Variants in CSMD1 observed in about 807,000 individuals in gnomAD.
CSMD1 encodes CUB and Sushi multiple domains 1.
In CSMD1, 213 loss-of-function variants were observed where a neutral mutation model predicts 417.5. The ratio of observed to expected loss-of-function variants is 0.51; its 90% CI spans 0.46 to 0.57. The LOEUF is 0.57. CSMD1 is among the 20% of genes least tolerant of loss of function. CSMD1 has a pLI of 0.00. For synonymous variants in CSMD1, 2,862 were observed against 1,736.8 expected, an observed-to-expected ratio of 1.65 and a Z score of -16.11; for missense variants, 6,923 against 4,529.7, an observed-to-expected ratio of 1.53 and a Z score of -15.17.
intron 3 of CSMD1, among the ~76,000 whole-genome samples, chr8:4,260,263 G>C (rs942758353): frequency 9.9e-5 from 15 of 152,168 alleles, no homozygotes; most frequent in Non-Finnish European, 1.8e-4. Flanking sequence ...CTTATTACTA[G>C]TGAAATTAAT....
intron 2 of CSMD1, among the ~76,000 whole-genome samples, chr8:4,604,336 A>G (rs1345925000): frequency 6.6e-6 from 1 of 150,810 alleles, no homozygotes; most frequent in African/African-American, 2.4e-5. Flanking sequence ...TATATACAAT[A>G]TATATATAAT....
chr8:3,154,062 G>C (rs1819365774), intron 39 of CSMD1, among the ~76,000 whole-genome samples: 1 of 152,166 alleles, frequency 6.6e-6, no homozygotes, highest in Non-Finnish European at 1.5e-5. Context: ...CGCCTCCCTG[G>C]TTCAAGTGAT....
At chr8:3,078,779 T>C (rs185260653) in intron 49 of CSMD1, among the ~76,000 whole-genome samples, 2 of 152,286 alleles carry the variant, frequency 1.3e-5, no homozygotes, top group East Asian at 1.9e-4. Context: ...CCAGCTTAGT[T>C]ACCTAAACAC....
At chr8:3,305,910 C>T (rs1303754951) in intron 25 of CSMD1, among the ~76,000 whole-genome samples, 1 of 152,080 alleles carries the variant, frequency 6.6e-6, no homozygotes, top group Non-Finnish European at 1.5e-5. Flanking sequence ...TTGATCTCCT[C>T]ACCTGGTGAT....
intron 4 of CSMD1, among the ~76,000 whole-genome samples, chr8:4,027,528 T>C (rs1002449717): frequency 1.6e-4 from 24 of 152,154 alleles, no homozygotes; most frequent in African/African-American, 5.5e-4. Flanking sequence ...TCTGTACTTC[T>C]CGCTCCTGCT....
At chr8:4,546,533 C>G (rs888261936) in intron 2 of CSMD1, among the ~76,000 whole-genome samples, 5 of 152,136 alleles carry the variant, frequency 3.3e-5, no homozygotes, top group African/African-American at 4.8e-5. Flanking sequence ...GAGCTGGGAC[C>G]TCCATCTTCT....
At chr8:4,774,110 G>T (rs376828849) in intron 1 of CSMD1, among the ~76,000 whole-genome samples, 1 of 152,092 alleles carries the variant, frequency 6.6e-6, no homozygotes, top group Admixed American at 6.5e-5. Flanking sequence ...GGCAGGAGAG[G>T]GTTCACTTGA....
At chr8:3,965,669 G>C (rs574875976) in intron 5 of CSMD1, among the ~76,000 whole-genome samples, 2 of 151,932 alleles carry the variant, frequency 1.3e-5, no homozygotes, top group African/African-American at 2.4e-5. Flanking sequence ...CCAGGCTGGA[G>C]TGCAATGGTG....
chr8:3,774,686 T>C (rs1267888408), intron 5 of CSMD1, among the ~76,000 whole-genome samples: 2 of 152,284 alleles, frequency 1.3e-5, no homozygotes, highest in Non-Finnish European at 2.9e-5. Flanking sequence ...GTTTGACTAA[T>C]GCTAAGTGCA....
intron 6 of CSMD1, among the ~76,000 whole-genome samples, chr8:3,753,444 G>A (rs1170275239): frequency 6.6e-6 from 1 of 152,164 alleles, no homozygotes; most frequent in Non-Finnish European, 1.5e-5. Context: ...TTGCTCAGCT[G>A]CAGGAAATCC....
At chr8:3,462,612 TC>T (rs1211385757) in intron 12 of CSMD1, among the ~76,000 whole-genome samples, 3 of 152,098 alleles carry the variant, frequency 2.0e-5, no homozygotes. Flanking sequence ...AGCTCAGGGC[TC>T]CCAATGATTC....
chr8:4,063,837 C>G (rs572426479), intron 3 of CSMD1, among the ~76,000 whole-genome samples: 1 of 152,326 alleles, frequency 6.6e-6, no homozygotes, highest in East Asian at 1.9e-4. Flanking sequence ...TAAGAAGGAA[C>G]CAGGAGTAGA....
chr8:3,604,377 C>T (rs1201661105), intron 8 of CSMD1, among the ~76,000 whole-genome samples: 2 of 151,952 alleles, frequency 1.3e-5, no homozygotes, highest in Non-Finnish European at 2.9e-5. Context: ...GGTGATGCTC[C>T]GAATCTTAAG....
Position 3,498,258 on chromosome 8 carries a change from T to C in CSMD1, c.1345-4532A>G, listed in dbSNP as rs146770972. 1.2e-3 allele frequency among the ~76,000 whole-genome samples: 186 copies of C among 152,350 alleles called. 1 individual carries two copies. The highest frequency in any genetic ancestry group is 4.3e-3 in the African/African-American group (178 of 41,592). On this transcript the variant is annotated intron_variant, in intron 10 of 69. Transcript: ENST00000635120. ...TCTTTGTCTTTGAAGTTTTTTATTA[T>C]GTATTTATATTGCTATATCAAGGTG...
At position 3,731,218 on chromosome 8, in the gene CSMD1, C is replaced by G. The variant is rs577581825; in HGVS notation, c.931+22712G>C. 3.3e-5 allele frequency among the ~76,000 whole-genome samples: 5 copies of G among 152,304 alleles called. No individual in the cohort carries two copies. The East Asian group carries it at 7.7e-4, about 24-fold the overall frequency. On this transcript the variant is annotated intron_variant, in intron 6 of 69. Transcript: ENST00000635120. The stretch of plus-strand genomic sequence containing the variant: ...CCATTAAGCAGTTTCTCCACCTTCC[C>G]ACTGTCCTCCTTCCCCCAGCAAACA...
intron 65 of CSMD1, 81 bp downstream of exon 65, chr8:2,954,143 G>T: frequency 1.5e-6 from 1 of 685,112 alleles, no homozygotes; most frequent in Non-Finnish European, 2.3e-6. Context: ...AAATTTAAAT[G>T]TTGAAAATAG....
At chr8:4,207,913 T>C (rs1435356614) in intron 3 of CSMD1, among the ~76,000 whole-genome samples, 1 of 152,126 alleles carries the variant, frequency 6.6e-6, no homozygotes, top group African/African-American at 2.4e-5. Flanking sequence ...TAACTATATT[T>C]ATATTAAATA....
intron 5 of CSMD1, among the ~76,000 whole-genome samples, chr8:3,817,246 CTTCTTCTTTTTTTTTTTTTTTTT>C (rs1801429517): frequency 1.2e-5 from 1 of 83,066 alleles, no homozygotes; most frequent in African/African-American, 4.2e-5. Context: ...GTCATATCTT[CTTCTTCTTTTTTTTTTTTTTTTT>C]TTTTTTTTTT....
intron 3 of CSMD1, among the ~76,000 whole-genome samples, chr8:4,293,770 G>C (rs2128868850): frequency 6.6e-6 from 1 of 152,208 alleles, no homozygotes; most frequent in East Asian, 1.9e-4. Flanking sequence ...TATCAGTTTG[G>C]TACAAATAAA....
Sources: gnomAD v4.1 joint callset for allele counts (sites outside exome capture counted in the v4.1 genomes callset) on GRCh38, gnomAD v4.1.1 for gene constraint, MANE v1.5 for transcripts, NCBI Gene and HGNC (gene_info 2026-07-23, HGNC 2026-07-21) for gene names.